The following XG variants were observed in gnomAD, a reference collection of about 807,000 sequenced individuals.
XG encodes the protein glycoprotein Xg.
Under a neutral mutation model 25.7 loss-of-function variants are expected in XG, and 24 were observed. That is an observed-to-expected ratio of 0.93 (90% CI 0.68 to 1.31). The LOEUF is 1.31. Among genes scored for constraint, XG ranks in the 40% most tolerant of loss-of-function variants. The pLI is 0.00. For missense variants in XG, 181 were observed against 187.6 expected, an observed-to-expected ratio of 0.96 and a Z score of 0.21; for synonymous variants, 77 against 69.2, an observed-to-expected ratio of 1.11 and a Z score of -0.56.
chrX:2,782,596 G>A (rs2086741348), intron 4 of XG, among the ~76,000 whole-genome samples: 1 of 111,360 alleles, frequency 9.0e-6, no homozygotes, highest in Admixed American at 9.6e-5. Context: ...ACCATAGGGG[G>A]TTGAAGTGAG....
intron 1 of XG, among the ~76,000 whole-genome samples, chrX:2,755,526 T>C (rs111439811): frequency 0.015 from 2,245 of 152,230 alleles, 59 homozygotes; most frequent in African/African-American, 0.049. Context: ...TGTGCAGACC[T>C]TCAGTCTCAT....
At chrX:2,758,927 T>C (rs1160772740) in intron 1 of XG, among the ~76,000 whole-genome samples, 1 of 145,622 alleles carries the variant, frequency 6.9e-6, no homozygotes, top group Non-Finnish European at 1.5e-5. Flanking sequence ...TATCTGTCAA[T>C]GATTTTCTGT....
chrX:2,764,688 A>C (rs1197099874), intron 1 of XG, among the ~76,000 whole-genome samples: 12 of 152,072 alleles, frequency 7.9e-5, no homozygotes, highest in Non-Finnish European at 1.8e-4. Context: ...AGCTGACCCA[A>C]GAAAGTTGAT....
At chrX:2,774,889 G>A in intron 3 of XG, 150 bp downstream of exon 3, 1 of 1,008,854 alleles carries the variant, frequency 9.9e-7, no homozygotes. Flanking sequence ...AGCAAAATGT[G>A]GTGATTAGGG....
chrX:2,768,951 C>A (rs758617335), intron 1 of XG, among the ~76,000 whole-genome samples: 3 of 152,262 alleles, frequency 2.0e-5, no homozygotes, highest in African/African-American at 7.2e-5. Context: ...TGGGATTTGA[C>A]CTGTGATGGC....
intron 4 of XG, among the ~76,000 whole-genome samples, chrX:2,783,262 G>C (rs1436885334): frequency 9.6e-6 from 1 of 104,696 alleles, no homozygotes; most frequent in African/African-American, 3.5e-5. Context: ...ACATTTGGCA[G>C]ACAGTTTTTT....
chrX:2,775,820 A>G (rs1353583534), intron 3 of XG, among the ~76,000 whole-genome samples: 7 of 151,722 alleles, frequency 4.6e-5, no homozygotes, highest in Admixed American at 1.3e-4. Context: ...GCTGGGCATG[A>G]TGGCACATGT....
chrX:2,772,816 T>C lies in XG; in HGVS notation c.104-1900T>C, dbSNP rs180936789. Among the ~76,000 whole-genome samples, 5 of 152,316 alleles carry C rather than the reference T, an allele frequency of 3.3e-5. No homozygotes were observed. In the East Asian group the frequency reaches 9.6e-4, roughly 29 times the overall value. Reference sequence around the variant, plus strand: ...AAGGCTGCCAGTGCCTGCAAACACATCTTTGAATGCATCGTTTTGCTACCA... The same window carrying C: ...AAGGCTGCCAGTGCCTGCAAACACACCTTTGAATGCATCGTTTTGCTACCA... On this transcript the variant is annotated intron_variant, in intron 2 of 10. Transcript: ENST00000644266.
At position 2,773,309 on chromosome X, in the gene XG, A is replaced by G. The variant is rs2050867328; in HGVS notation, c.104-1407A>G. Among the ~76,000 whole-genome samples the G allele has an allele frequency of 2.0e-5, 3 of 148,354 alleles. No homozygotes were observed. In the South Asian group the frequency reaches 6.5e-4, roughly 32 times the overall value. On this transcript the variant is annotated intron_variant, in intron 2 of 10. Transcript: ENST00000644266. The stretch of plus-strand genomic sequence containing the variant: ...AAGGAGAGGAATGAAGGAGGAAGGG[A>G]AGAAAGGAGGGGGGAAGGAAAGAAA...
At position 2,794,602 on chromosome X, in the gene XG, AG is replaced by A. The variant is rs1359439326; in HGVS notation, c.322+1del. 1 of 1,209,490 alleles carries A rather than the reference AG, an allele frequency of 8.3e-7. No individual in the cohort carries two copies. Among genetic ancestry groups the A allele is most frequent in the Non-Finnish European group, 1.1e-6 (1 of 894,965 alleles). On this transcript the variant is annotated frameshift_variant and splice_region_variant, in exon 6 of 11. Transcript: ENST00000644266. LOFTEE classifies it high-confidence loss of function. ...PPRPRPRPPA[G>X]GGGGGYSSYG... The stretch of plus-strand genomic sequence containing the variant: ...CCAGGCCCAGGCCACGGCCGCCTGC[AG>A]GTAGGTGCCGAGCCTCCCCAGATGC...
chrX:2,759,898 G>A (rs2050525846), intron 1 of XG, among the ~76,000 whole-genome samples: 1 of 152,224 alleles, frequency 6.6e-6, no homozygotes, highest in Non-Finnish European at 1.5e-5. Context: ...CCACGGTGCT[G>A]AGGCTGGGAA....
chrX:2,809,865 CAG>C (rs1206416661), intron 9 of XG, among the ~76,000 whole-genome samples: 1 of 112,159 alleles, frequency 8.9e-6, no homozygotes, highest in Non-Finnish European at 1.9e-5. Context: ...GGTGACCAGA[CAG>C]GGTACCAAGA....
At chrX:2,768,506 G>A (rs1355525158) in intron 1 of XG, among the ~76,000 whole-genome samples, 1 of 152,170 alleles carries the variant, frequency 6.6e-6, no homozygotes, top group Non-Finnish European at 1.5e-5. Flanking sequence ...GGTGGCTCAC[G>A]CCTGTAATCC....
chrX:2,789,122 A>T (rs1257141305), intron 4 of XG, among the ~76,000 whole-genome samples: 1 of 110,530 alleles, frequency 9.0e-6, no homozygotes, highest in African/African-American at 3.3e-5. Flanking sequence ...ACTGAGCTAC[A>T]TGGGTGGCTG....
intron 1 of XG, among the ~76,000 whole-genome samples, chrX:2,769,856 C>T (rs2050774913): frequency 6.6e-6 from 1 of 152,108 alleles, no homozygotes; most frequent in Admixed American, 6.6e-5. Flanking sequence ...CAAACAGCCC[C>T]CAAAGAATTA....
intron 1 of XG, among the ~76,000 whole-genome samples, chrX:2,766,633 C>T (rs760168153): frequency 4.9e-5 from 7 of 142,548 alleles, no homozygotes; most frequent in South Asian, 4.5e-4. Context: ...GGTGTGAACT[C>T]GGCTCACTGC....
chrX:2,762,832 C>T (rs752609198), intron 1 of XG, among the ~76,000 whole-genome samples: 1 of 152,192 alleles, frequency 6.6e-6, no homozygotes, highest in South Asian at 2.1e-4. Context: ...TAGGGGCCTG[C>T]CAGGCACTCT....
At chrX:2,771,909 A>G (rs1168777128) in intron 2 of XG, among the ~76,000 whole-genome samples, 1 of 152,166 alleles carries the variant, frequency 6.6e-6, no homozygotes, top group Non-Finnish European at 1.5e-5. Flanking sequence ...CAACATGGAG[A>G]TGCCATTTCT....
chrX:2,779,966 T>C (rs192409328), intron 3 of XG, among the ~76,000 whole-genome samples: 1 of 152,172 alleles, frequency 6.6e-6, no homozygotes, highest in Admixed American at 6.6e-5. Flanking sequence ...CTTTAAATTA[T>C]CTCTAGGTTA....
Sources: gnomAD v4.1 joint callset for allele counts (sites outside exome capture counted in the v4.1 genomes callset) on GRCh38, gnomAD v4.1.1 for gene constraint, MANE v1.5 for transcripts, NCBI Gene and HGNC (gene_info 2026-07-23, HGNC 2026-07-21) for gene names.